USP10: variants seen among roughly 807,000 people sequenced by gnomAD.
USP10 encodes ubiquitin carboxyl-terminal hydrolase 10.
A neutral mutation model predicts 84.5 loss-of-function variants in USP10; 22 were observed. The observed-to-expected ratio is 0.26, with a 90% confidence interval of 0.19 to 0.37. USP10 has a LOEUF of 0.37. USP10 is among the 10% of genes least tolerant of loss of function. The pLI is 1.00. For missense variants in USP10, 1,019 were observed against 998.9 expected, an observed-to-expected ratio of 1.02 and a Z score of -0.27; for synonymous variants, 454 against 387.6, an observed-to-expected ratio of 1.17 and a Z score of -2.01.
chr16:84,748,047 A>T (rs1290972317), intron 4 of USP10, among the ~76,000 whole-genome samples: 1 of 148,102 alleles, frequency 6.8e-6, no homozygotes, highest in Non-Finnish European at 1.5e-5. Flanking sequence ...CCAGCTACTC[A>T]GGAGGCTGAG....
chr16:84,705,657 A>G (rs1339171948), intron 1 of USP10, among the ~76,000 whole-genome samples: 1 of 151,044 alleles, frequency 6.6e-6, no homozygotes, highest in Non-Finnish European at 1.5e-5. Context: ...TGTTTTATGA[A>G]GATGTGCTCC....
chr16:84,736,914 G>A (rs543072812), intron 2 of USP10, among the ~76,000 whole-genome samples: 2 of 152,154 alleles, frequency 1.3e-5, no homozygotes, highest in Non-Finnish European at 2.9e-5. Context: ...TCAGCCTCCC[G>A]AGTAGCTGGG....
At chr16:84,710,672 T>C (rs1312163686) in intron 1 of USP10, among the ~76,000 whole-genome samples, 1 of 152,248 alleles carries the variant, frequency 6.6e-6, no homozygotes, top group African/African-American at 2.4e-5. Context: ...TTTCCTGTAG[T>C]ACTTTTGGTA....
chr16:84,768,932 CT>C (rs1914143889), intron 11 of USP10, among the ~76,000 whole-genome samples: 1 of 152,116 alleles, frequency 6.6e-6, no homozygotes, highest in Admixed American at 6.5e-5. Context: ...TGGTGGAGTC[CT>C]TGTCAACTCA....
chr16:84,750,419 A>C (rs1911788064), intron 4 of USP10, among the ~76,000 whole-genome samples: 1 of 151,662 alleles, frequency 6.6e-6, no homozygotes, highest in Non-Finnish European at 1.5e-5. Context: ...AAAAAAAAAA[A>C]AACCCAAAAC....
At chr16:84,704,748 C>T in intron 1 of USP10, 1 of 1,532,666 alleles carries the variant, frequency 6.5e-7, no homozygotes, top group Non-Finnish European at 8.7e-7. Context: ...AGCTCCTGGG[C>T]CATGATCCCA....
At chr16:84,737,684 C>G (rs80086851) in intron 2 of USP10, among the ~76,000 whole-genome samples, 3,301 of 152,334 alleles carry the variant, frequency 0.022, 109 homozygotes, top group African/African-American at 0.075. Flanking sequence ...GTGCCTCTTA[C>G]TGGCAGTGTC....
chr16:84,771,175 C>T (rs530231290), intron 11 of USP10, among the ~76,000 whole-genome samples: 1 of 152,098 alleles, frequency 6.6e-6, no homozygotes, highest in Non-Finnish European at 1.5e-5. Context: ...AAAAACCTGG[C>T]TTTATTTAAA....
intron 1 of USP10, among the ~76,000 whole-genome samples, chr16:84,723,870 C>T (rs890772732): frequency 1.1e-4 from 17 of 152,176 alleles, no homozygotes; most frequent in African/African-American, 4.1e-4. Flanking sequence ...ATTGAGCCCC[C>T]TTGCAGCCTC....
intron 1 of USP10, among the ~76,000 whole-genome samples, chr16:84,720,436 C>T (rs1033957482): frequency 2.0e-5 from 3 of 152,112 alleles, no homozygotes; most frequent in Non-Finnish European, 2.9e-5. Flanking sequence ...AGTTTGAGTA[C>T]ATGGTCCGAG....
chr16:84,715,783 TTTTG>T (rs1198394880), intron 1 of USP10, among the ~76,000 whole-genome samples: 1 of 152,168 alleles, frequency 6.6e-6, no homozygotes, highest in East Asian at 1.9e-4. Context: ...TTAGTTACAG[TTTTG>T]AGGACGTGGC....
intron 12 of USP10, among the ~76,000 whole-genome samples, chr16:84,773,897 CTT>C (rs1350416032): frequency 6.6e-6 from 1 of 152,154 alleles, no homozygotes; most frequent in Non-Finnish European, 1.5e-5. Context: ...ATTTTTATAT[CTT>C]TTCTTGCTTG....
intron 2 of USP10, 109 bp from the exon 3 acceptor site, chr16:84,740,200 C>A: frequency 1.1e-6 from 1 of 940,886 alleles, no homozygotes. Context: ...TAACGGCATG[C>A]AAAGTTGTAT....
At chr16:84,732,485 C>T (rs1047625610) in intron 1 of USP10, 20 of 383,214 alleles carry the variant, frequency 5.2e-5, no homozygotes, top group East Asian at 3.2e-4. Context: ...CTGGCTCTGT[C>T]GCCCCGGCTG....
At chr16:84,754,808 A>T (rs1169551362) in intron 4 of USP10, among the ~76,000 whole-genome samples, 1 of 152,184 alleles carries the variant, frequency 6.6e-6, no homozygotes, top group African/African-American at 2.4e-5. Context: ...TCAAGCCTCC[A>T]GGCCATGCAG....
intron 3 of USP10, among the ~76,000 whole-genome samples, chr16:84,742,143 C>T (rs1023321392): frequency 6.6e-6 from 1 of 152,086 alleles, no homozygotes; most frequent in African/African-American, 2.4e-5. Context: ...GAGATATTTT[C>T]ATACAGGCAT....
intron 1 of USP10, among the ~76,000 whole-genome samples, chr16:84,714,692 A>T (rs1906772437): frequency 1.3e-5 from 2 of 152,136 alleles, no homozygotes; most frequent in Admixed American, 6.5e-5. Context: ...TTGTGAATTT[A>T]TCTTATTTCC....
At chr16:84,705,513 G>A (rs1019921586) in intron 1 of USP10, among the ~76,000 whole-genome samples, 1 of 151,354 alleles carries the variant, frequency 6.6e-6, no homozygotes, top group African/African-American at 2.4e-5. Context: ...TTATAGGCGT[G>A]AGCCACCACA....
At chr16:84,749,958 G>A (rs757495385) in intron 4 of USP10, among the ~76,000 whole-genome samples, 9 of 152,156 alleles carry the variant, frequency 5.9e-5, no homozygotes, top group East Asian at 1.9e-4. Flanking sequence ...AGGGGAGAGC[G>A]TGTGAACTGA....
Sources: gnomAD v4.1 joint callset for allele counts (sites outside exome capture counted in the v4.1 genomes callset) on GRCh38, gnomAD v4.1.1 for gene constraint, MANE v1.5 for transcripts, NCBI Gene and HGNC (gene_info 2026-07-23, HGNC 2026-07-21) for gene names.